The following GP6 variants were observed in gnomAD, a reference collection of about 807,000 sequenced individuals.
The protein encoded by GP6 is platelet glycoprotein VI.
In GP6, 45 loss-of-function variants were observed where a neutral mutation model predicts 37.3. The ratio of observed to expected loss-of-function variants is 1.21; its 90% CI spans 0.95 to 1.55. GP6 has a LOEUF of 1.55. GP6 is among the 40% of genes most tolerant of loss of function. The probability of loss-of-function intolerance (pLI) is 0.00; values close to 1 mark genes in which losing one functional copy is unlikely to be tolerated. For missense variants in GP6, 813 were observed against 760.2 expected (o/e 1.07, Z -0.82); for synonymous variants, 340 against 316.4 (o/e 1.07, Z -0.79).
intron 3 of GP6, among the ~76,000 whole-genome samples, chr19:55,029,922 C>G (rs2074498153): frequency 6.6e-6 from 1 of 151,836 alleles, no homozygotes; most frequent in African/African-American, 2.4e-5. Flanking sequence ...GGGAGGGAGG[C>G]AGGATTTATA....
At chr19:55,022,405 A>T (rs1186602236) in intron 5 of GP6, among the ~76,000 whole-genome samples, 1 of 152,152 alleles carries the variant, frequency 6.6e-6, no homozygotes, top group Non-Finnish European at 1.5e-5. Context: ...ATTAACCCAC[A>T]GCCAATTTCA....
intron 5 of GP6, among the ~76,000 whole-genome samples, chr19:55,020,441 G>A (rs758254404): frequency 6.6e-6 from 1 of 151,928 alleles, no homozygotes; most frequent in African/African-American, 2.4e-5. Flanking sequence ...TCATTGTTCA[G>A]CTGCCACTTA....
At position 55,015,089 on chromosome 19, in the gene GP6, C is replaced by A; in HGVS notation, c.856G>T (p.Gly286Trp). ...TGTGCCAGTCCTCTGCCAGAAACCC[C>A]GCCAGGATTATTAGGATCACAGCCC... The change falls in exon 8 of 8, where the codon GGG (glycine) becomes TGG (tryptophan). Residue 286 changes from glycine to tryptophan, a missense_variant. Transcript: ENST00000310373. 1 of 1,598,432 alleles carries A rather than the reference C, an allele frequency of 6.3e-7. No homozygotes were observed. The highest frequency in any genetic ancestry group is 8.5e-7 in the Non-Finnish European group (1 of 1,172,922).
chr19:55,018,833 A>G (rs1242689115), intron 5 of GP6, 122 bp from the exon 6 acceptor site: 1 of 759,658 alleles, frequency 1.3e-6, no homozygotes, highest in East Asian at 2.5e-5. Flanking sequence ...CTGCACAGAC[A>G]CTGAAGACAG....
intron 3 of GP6, 65 bp from the exon 4 acceptor site, chr19:55,027,927 T>A: frequency 6.6e-7 from 1 of 1,505,648 alleles, no homozygotes; most frequent in Non-Finnish European, 9.2e-7. Flanking sequence ...ACTGGGGAGG[T>A]CCCCACACCT....
chr19:55,026,668 A>G (rs2074314753), intron 4 of GP6, among the ~76,000 whole-genome samples: 1 of 152,130 alleles, frequency 6.6e-6, no homozygotes, highest in African/African-American at 2.4e-5. Flanking sequence ...AGGCGGGCAG[A>G]TCATGAGGTC....
At position 55,015,096 on chromosome 19, in the gene GP6, A is replaced by C; in HGVS notation, c.849T>G (p.Asn283Lys). 1 of 1,595,368 alleles carries C rather than the reference A, an allele frequency of 6.3e-7. No individual in the cohort carries two copies. Among genetic ancestry groups the C allele is most frequent in the Non-Finnish European group, 8.5e-7 (1 of 1,171,330 alleles). The change falls in exon 8 of 8, where the codon AAT becomes AAG. Residue 283 changes from asparagine (N) to lysine (K), a missense_variant. Asn to Lys is a moderately conservative substitution (Grantham distance 94). Coordinates refer to ENST00000310373, the MANE Select transcript of GP6 (RefSeq NM_001083899.2). ...GTCCTCTGCCAGAAACCCCGCCAGG[A>C]TTATTAGGATCACAGCCCCGAGGCA... is the stretch of plus-strand genomic sequence containing the variant.
Position 55,014,821 on chromosome 19 carries a change from C to T in GP6, c.1124G>A (p.Arg375Lys). Reference sequence around the variant, plus strand: ...ATGGCCTCGTTTCCACAGCTGTAGCCTCTGCCCTCCTGCTTCCACGCTCCA... The same window carrying T: ...ATGGCCTCGTTTCCACAGCTGTAGCTTCTGCCCTCCTGCTTCCACGCTCCA... Residue 375 changes from arginine to lysine, a missense_variant, in exon 8 of 8, where the codon AGG becomes AAG. Arg to Lys is a conservative substitution (Grantham distance 26). Coordinates refer to ENST00000310373, the MANE Select transcript of GP6 (RefSeq NM_001083899.2). The T allele has an allele frequency of 6.2e-7, 1 of 1,614,070 alleles. No homozygotes were observed. Among genetic ancestry groups the T allele is most frequent in the Non-Finnish European group, 8.5e-7 (1 of 1,179,986 alleles).
At chr19:55,028,458 G>A (rs569032981) in intron 3 of GP6, among the ~76,000 whole-genome samples, 41 of 152,238 alleles carry the variant, frequency 2.7e-4, no homozygotes, top group African/African-American at 9.4e-4. Flanking sequence ...TAACAATACT[G>A]CAGTGTACAG....
In GP6 at chr19:55,014,759, C is replaced by T. The variant is rs751311313; in HGVS notation, c.1186G>A (p.Gly396Ser). The stretch of plus-strand genomic sequence containing the variant: ...GGCAGACAGACAGACAGACACTGGC[C>T]GAACGGCTCCCTGATGGAACACCAG... The change falls in exon 8 of 8, where the codon GGC (glycine) becomes AGC (serine). Residue 396 changes from glycine to serine, a missense_variant. By Grantham distance (56) the Gly-to-Ser change is moderately conservative (BLOSUM62 0). Coordinates refer to ENST00000310373, the MANE Select transcript of GP6 (RefSeq NM_001083899.2). 1.7e-5 allele frequency: 28 copies of T among 1,609,848 alleles called. No homozygotes were observed. The East Asian group carries it at 4.9e-4, about 28-fold the overall frequency.
chr19:55,032,337 G>C lies in GP6; in HGVS notation c.127C>G (p.Pro43Ala), dbSNP rs987990282. The C allele has an allele frequency of 6.2e-7, 1 of 1,613,914 alleles. No homozygotes were observed. ...GGTCCCTGGCACCGGAGGGTCACTG[G>C]CTTCTCCAGGGGCACCAGGGAGCTG... Residue 43 changes from proline (P) to alanine (A), a missense_variant, in exon 3 of 8, where the codon CCA becomes GCA. Coordinates refer to ENST00000310373, the MANE Select transcript of GP6 (RefSeq NM_001083899.2).
At chr19:55,018,559 G>A in intron 6 of GP6, 93 bp downstream of exon 6, 1 of 819,368 alleles carries the variant, frequency 1.2e-6, no homozygotes, top group South Asian at 1.3e-5. Flanking sequence ...ACAGTTCGGT[G>A]AAGTGATTAA....
At chr19:55,030,387 G>C (rs1012697579) in intron 3 of GP6, among the ~76,000 whole-genome samples, 1 of 150,682 alleles carries the variant, frequency 6.6e-6, no homozygotes, top group African/African-American at 2.5e-5. Context: ...TTGCTCTGTC[G>C]CCCAGGCTGG....
intron 5 of GP6, among the ~76,000 whole-genome samples, chr19:55,023,399 TG>T (rs1163673014): frequency 1.3e-5 from 2 of 152,196 alleles, no homozygotes; most frequent in Non-Finnish European, 2.9e-5. Flanking sequence ...GGTGGGGGCC[TG>T]GTGGGAGGTG....
At position 55,014,341 on chromosome 19, in the gene GP6, A is replaced by T; in HGVS notation, c.1604T>A (p.Leu535Ter). Residue 535 changes from leucine to a stop codon, truncating the protein, a stop_gained, in exon 8 of 8, where the codon TTA (leucine) becomes TAA (stop). Coordinates refer to ENST00000310373, the MANE Select transcript of GP6 (RefSeq NM_001083899.2). LOFTEE classifies it high-confidence loss of function. ...GTTGCACAGGCTGATCTTGTTTTCT[A>T]ATGTGAAGGGAAGCGGGCAACGTGC... 1 of 1,607,464 alleles carries T rather than the reference A, an allele frequency of 6.2e-7. No homozygotes were observed.
In GP6 at chr19:55,014,606, G is replaced by A. The variant is rs1312077578; in HGVS notation, c.1339C>T (p.Leu447=). The stretch of plus-strand genomic sequence containing the variant: ...AGAGATCCGTCTGGAGCCCATATTA[G>A]AGAGGTTGAAGAAAGAGGCCAGTAT... Residue 447 remains leucine, a synonymous_variant, in exon 8 of 8, where the codon CTA becomes TTA. Coordinates refer to ENST00000310373, the MANE Select transcript of GP6 (RefSeq NM_001083899.2). 1 of 1,614,060 alleles carries A rather than the reference G, an allele frequency of 6.2e-7. No individual in the cohort carries two copies. The highest frequency in any genetic ancestry group is 1.1e-5 in the South Asian group (1 of 91,084).
In GP6 at chr19:55,021,130, A is replaced by G. The variant is rs555131296; in HGVS notation, c.665-2419T>C. On this transcript the variant is annotated intron_variant, in intron 5 of 7. Transcript: ENST00000310373. ...TCCCAGCACTTTGGGAGGCCGAGGC[A>G]GGTGGATCACCTGAGGTCAGAAGTT... 2.8e-3 allele frequency among the ~76,000 whole-genome samples: 401 copies of G among 145,658 alleles called. 8 individuals carry two copies. The highest frequency in any genetic ancestry group is 9.8e-3 in the African/African-American group (389 of 39,614).
At chr19:55,024,967 A>C (rs2074249112) in intron 5 of GP6, among the ~76,000 whole-genome samples, 1 of 152,182 alleles carries the variant, frequency 6.6e-6, no homozygotes, top group Middle Eastern at 3.4e-3. Context: ...ATAGCAAGCC[A>C]CTCCGATTAT....
intron 1 of GP6, 95 bp downstream of exon 1, chr19:55,038,108 G>A: frequency 9.5e-7 from 1 of 1,057,870 alleles, no homozygotes; most frequent in Non-Finnish European, 1.4e-6. Context: ...TTTTTGTCCT[G>A]AAATTCATCA....
Sources: allele counts gnomAD v4.1 joint callset (sites outside exome capture counted in the v4.1 genomes callset), GRCh38; gene constraint gnomAD v4.1.1; transcripts MANE v1.5; gene names NCBI Gene and HGNC (gene_info 2026-07-23, HGNC 2026-07-21).